TMEM229B: variants seen among roughly 807,000 people sequenced by gnomAD.
TMEM229B encodes chromosome 14 open reading frame 83.
TMEM229B carries 6 observed loss-of-function variants against 13.7 expected under a neutral mutation model. The ratio of observed to expected loss-of-function variants is 0.44; its 90% CI spans 0.24 to 0.86. The LOEUF (loss-of-function observed/expected upper bound fraction) is 0.86. Ranked by LOEUF, TMEM229B falls within the 40% of genes least tolerant of loss-of-function variation. The pLI is 0.23. For synonymous variants in TMEM229B, 107 were observed against 102.1 expected, an observed-to-expected ratio of 1.05 and a Z score of -0.29; for missense variants, 170 against 236.0, an observed-to-expected ratio of 0.72 and a Z score of 1.83.
At chr14:67,533,241 T>TCGCCC (rs1285741320) in intron 1 of TMEM229B, 2 of 151,754 alleles carry the variant, frequency 1.3e-5, no homozygotes, top group African/African-American at 4.8e-5. Context: ...CGCTCCAGCC[T>TCGCCC]CGCCCCGCCC....
chr14:67,511,109 A>T (rs2033009602), intron 1 of TMEM229B, among the ~76,000 whole-genome samples: 1 of 152,204 alleles, frequency 6.6e-6, no homozygotes, highest in South Asian at 2.1e-4. Context: ...GGATCATTCC[A>T]GAAGCTCATG....
upstream of TMEM229B, among the ~76,000 whole-genome samples, chr14:67,517,310 C>T (rs188958818): frequency 2.9e-3 from 441 of 152,304 alleles, 5 homozygotes; most frequent in African/African-American, 9.9e-3. Flanking sequence ...GGCAGCATTG[C>T]GCAGAGGAAA....
At chr14:67,476,352 T>G (rs1392489286) in intron 2 of TMEM229B, among the ~76,000 whole-genome samples, 1 of 152,104 alleles carries the variant, frequency 6.6e-6, no homozygotes, top group Non-Finnish European at 1.5e-5. Context: ...TGTGAGAGGC[T>G]GAGGCGGGTG....
intron 1 of TMEM229B, among the ~76,000 whole-genome samples, chr14:67,497,478 A>C (rs969080757): frequency 1.3e-5 from 2 of 152,148 alleles, no homozygotes; most frequent in African/African-American, 4.8e-5. Context: ...AATGCCACAG[A>C]TACTTACAAG....
At chr14:67,515,248 G>C (rs2033165606) in exon 1 of TMEM229B, 1 of 152,606 alleles carries the variant, frequency 6.6e-6, no homozygotes, top group Non-Finnish European at 1.5e-5. Context: ...CCCAAGCCCG[G>C]CGCTCTGGCT....
At chr14:67,508,217 G>C (rs2032898620) in intron 1 of TMEM229B, among the ~76,000 whole-genome samples, 1 of 151,086 alleles carries the variant, frequency 6.6e-6, no homozygotes, top group Non-Finnish European at 1.5e-5. Flanking sequence ...TTGTTCCTTA[G>C]CTTCCAGTTT....
intron 1 of TMEM229B, among the ~76,000 whole-genome samples, chr14:67,521,638 T>A (rs2140271086): frequency 6.6e-6 from 1 of 152,292 alleles, no homozygotes; most frequent in East Asian, 1.9e-4. Context: ...AATGAAGAAC[T>A]CATGATTCTG....
At chr14:67,478,846 T>C (rs1186505310) in intron 2 of TMEM229B, among the ~76,000 whole-genome samples, 1 of 152,196 alleles carries the variant, frequency 6.6e-6, no homozygotes, top group Non-Finnish European at 1.5e-5. Context: ...TCTGCTTCAC[T>C]GGATTCATCT....
intron 2 of TMEM229B, among the ~76,000 whole-genome samples, chr14:67,478,195 C>T (rs1256694106): frequency 6.6e-6 from 1 of 152,232 alleles, no homozygotes. Context: ...GTGGACTTGC[C>T]TGGGCATATT....
chr14:67,471,043 C>T lies in TMEM229B; in HGVS notation c.*2377G>A, dbSNP rs1488123051. ...CCCGTGGTCAGGCCATGGGTTGTTG[C>T]CTTCCTTTGCTGGAGGTTTGATGCC... On this transcript the variant is annotated 3_prime_UTR_variant, in exon 3 of 3. Transcript: ENST00000554480. 6.6e-6 allele frequency: 1 copy of T among 152,220 alleles called. No homozygotes were observed. Among genetic ancestry groups the T allele is most frequent in the Non-Finnish European group, 1.5e-5 (1 of 68,066 alleles). 9.4% of individuals were successfully genotyped at this position (152,220 alleles called of 1,614,324 possible). A position where few individuals can be genotyped will look rare whatever the true frequency, so the allele number is the denominator to read the frequency against.
chr14:67,532,835 A>C (rs1192104146), intron 1 of TMEM229B, among the ~76,000 whole-genome samples: 1 of 152,186 alleles, frequency 6.6e-6, no homozygotes, highest in Admixed American at 6.5e-5. Flanking sequence ...TGGCCAGGAG[A>C]ATGCTGGAAC....
intron 2 of TMEM229B, among the ~76,000 whole-genome samples, chr14:67,477,251 T>G (rs2031274482): frequency 6.6e-6 from 1 of 152,220 alleles, no homozygotes; most frequent in Admixed American, 6.5e-5. Context: ...AGATTCTTCA[T>G]GACCTTGCCC....
intron 2 of TMEM229B, among the ~76,000 whole-genome samples, chr14:67,479,132 G>A (rs988559434): frequency 5.3e-5 from 8 of 152,140 alleles, no homozygotes; most frequent in Non-Finnish European, 1.0e-4. Flanking sequence ...ATGGAGGCTG[G>A]ACGTGGTGGC....
chr14:67,496,983 A>T (rs10148645), intron 1 of TMEM229B, among the ~76,000 whole-genome samples: 102,446 of 151,592 alleles, frequency 0.68, 35,991 homozygotes, highest in Non-Finnish European at 0.77. Flanking sequence ...TTTTTAGTAG[A>T]GATGGGGTTT....
At chr14:67,513,403 CTA>C (rs2033092567) in intron 1 of TMEM229B, among the ~76,000 whole-genome samples, 1 of 152,200 alleles carries the variant, frequency 6.6e-6, no homozygotes, top group African/African-American at 2.4e-5. Flanking sequence ...GGCCACAAAT[CTA>C]TAGCTCAGGG....
rs937612183 is a variant in TMEM229B, at chr14:67,470,548, T to C, written c.*2872A>G. Reference sequence around the variant, plus strand: ...CTAACCTGTCTGCATCCCAGGGTGATGCCTACACAGCCCAGGGCTTCATAA... The same window carrying C: ...CTAACCTGTCTGCATCCCAGGGTGACGCCTACACAGCCCAGGGCTTCATAA... On this transcript the variant is annotated 3_prime_UTR_variant, in exon 3 of 3. Coordinates refer to ENST00000554480, the MANE Select transcript of TMEM229B (RefSeq NM_001348543.2). 2 of 152,554 alleles carry C rather than the reference T, an allele frequency of 1.3e-5. No homozygotes were observed. Among genetic ancestry groups the C allele is most frequent in the Admixed American group, 6.6e-5 (1 of 15,258 alleles). 9.5% of individuals were successfully genotyped at this position (152,554 alleles called of 1,614,324 possible).
intron 2 of TMEM229B, among the ~76,000 whole-genome samples, chr14:67,484,661 C>T (rs749022010): frequency 1.3e-5 from 2 of 152,150 alleles, no homozygotes; most frequent in Non-Finnish European, 2.9e-5. Flanking sequence ...TGGGGGCTCA[C>T]ACCTGTAATC....
chr14:67,511,841 G>T (rs1009470619), intron 1 of TMEM229B, among the ~76,000 whole-genome samples: 6 of 152,224 alleles, frequency 3.9e-5, no homozygotes, highest in Non-Finnish European at 7.3e-5. Flanking sequence ...GCAGCCTGAT[G>T]AATGGGAAAA....
At chr14:67,489,728 C>T (rs182675723), upstream of TMEM229B, among the ~76,000 whole-genome samples, 85 of 152,322 alleles carry the variant, frequency 5.6e-4, no homozygotes, top group East Asian at 4.6e-3. Flanking sequence ...CGGTGGCTCA[C>T]GCCTGTAATC....
Sources: gnomAD v4.1 joint callset for allele counts (sites outside exome capture counted in the v4.1 genomes callset) on GRCh38, gnomAD v4.1.1 for gene constraint, MANE v1.5 for transcripts, NCBI Gene and HGNC (gene_info 2026-07-23, HGNC 2026-07-21) for gene names.